The following SHISA6 variants were observed in gnomAD, a reference collection of about 807,000 sequenced individuals.
SHISA6 encodes protein shisa-6.
In SHISA6, 22 loss-of-function variants were observed where a neutral mutation model predicts 47.9. That is an observed-to-expected ratio of 0.46 (90% confidence interval 0.33 to 0.66). The LOEUF (loss-of-function observed/expected upper bound fraction) is 0.66, where lower values mean the gene tolerates loss of function less well. Ranked by LOEUF, SHISA6 falls within the 30% of genes least tolerant of loss-of-function variation. The pLI is 0.02. For synonymous variants in SHISA6, 388 were observed against 337.8 expected, an observed-to-expected ratio of 1.15 and a Z score of -1.63; for missense variants, 680 against 764.6, an observed-to-expected ratio of 0.89 and a Z score of 1.30.
intron 1 of SHISA6, among the ~76,000 whole-genome samples, chr17:11,257,588 G>A (rs1597425154): frequency 1.3e-5 from 2 of 151,092 alleles, no homozygotes; most frequent in East Asian, 3.9e-4. Flanking sequence ...TTGAGCCCAG[G>A]AAGCCGAGGC....
intron 2 of SHISA6, among the ~76,000 whole-genome samples, chr17:11,370,675 G>C (rs952789059): frequency 1.3e-5 from 2 of 152,180 alleles, no homozygotes; most frequent in African/African-American, 4.8e-5. Flanking sequence ...TCTTAGGGCA[G>C]ATGACAGGAT....
At chr17:11,470,393 TTCCTAAC>T (rs1915907684) in intron 3 of SHISA6, among the ~76,000 whole-genome samples, 1 of 152,196 alleles carries the variant, frequency 6.6e-6, no homozygotes, top group African/African-American at 2.4e-5. Flanking sequence ...CTAGGGAGAA[TTCCTAAC>T]AGGTATCAGT....
intron 3 of SHISA6, among the ~76,000 whole-genome samples, chr17:11,467,754 C>G (rs189258868): frequency 6.6e-6 from 1 of 152,178 alleles, no homozygotes; most frequent in Non-Finnish European, 1.5e-5. Flanking sequence ...TATCCCTGTT[C>G]TGAGAGTTTA....
At chr17:11,247,921 C>T (rs1597419709) in intron 1 of SHISA6, among the ~76,000 whole-genome samples, 1 of 151,984 alleles carries the variant, frequency 6.6e-6, no homozygotes, top group Admixed American at 6.6e-5. Context: ...ACTACAGGCG[C>T]CCGCCACCAC....
At chr17:11,548,595 T>G (rs2071903321) in intron 3 of SHISA6, among the ~76,000 whole-genome samples, 1 of 152,144 alleles carries the variant, frequency 6.6e-6, no homozygotes, top group Non-Finnish European at 1.5e-5. Context: ...GTCACATTGC[T>G]AGGCAACTGA....
intron 1 of SHISA6, among the ~76,000 whole-genome samples, chr17:11,255,194 G>C (rs187422660): frequency 3.5e-4 from 54 of 152,320 alleles, no homozygotes; most frequent in Admixed American, 3.1e-3. Context: ...GAATACATGA[G>C]TTAAAGTCAG....
Position 11,310,978 on chromosome 17 carries a change from G to T in SHISA6, c.799+47452G>T, listed in dbSNP as rs148901564. Among the ~76,000 whole-genome samples, 900 of 152,026 alleles carry T rather than the reference G, an allele frequency of 5.9e-3. 8 individuals are homozygous for T. Among genetic ancestry groups the T allele is most frequent in the African/African-American group, 0.021 (854 of 41,472 alleles). ...AAAAAATTAGCCAGTGTGGTGGCAGGTGCCTGTAGTCCCAGCTACTCAGGA... is the reference window on the plus strand; with the variant it reads ...AAAAAATTAGCCAGTGTGGTGGCAGTTGCCTGTAGTCCCAGCTACTCAGGA... On this transcript the variant is annotated intron_variant, in intron 2 of 5. Transcript: ENST00000441885.
intron 3 of SHISA6, among the ~76,000 whole-genome samples, chr17:11,482,409 C>T (rs1428016994): frequency 3.9e-5 from 6 of 152,158 alleles, no homozygotes. Context: ...AGGTTCTGAT[C>T]TAAGAATACA....
intron 3 of SHISA6, among the ~76,000 whole-genome samples, chr17:11,446,469 A>C (rs1158831868): frequency 6.6e-6 from 1 of 152,178 alleles, no homozygotes; most frequent in Non-Finnish European, 1.5e-5. Context: ...TGTTTGTGCT[A>C]ATTACTGTGG....
At chr17:11,352,716 G>A (rs1429790335) in intron 2 of SHISA6, among the ~76,000 whole-genome samples, 4 of 152,116 alleles carry the variant, frequency 2.6e-5, no homozygotes, top group African/African-American at 4.8e-5. Context: ...GGGTTGGTGC[G>A]CCTTGTGCAT....
At chr17:11,303,976 C>G (rs1910017472) in intron 2 of SHISA6, among the ~76,000 whole-genome samples, 3 of 152,194 alleles carry the variant, frequency 2.0e-5, no homozygotes, top group African/African-American at 7.2e-5. Context: ...AGGGCCTGAC[C>G]GGCTCCATAT....
chr17:11,313,623 G>C (rs77814748), intron 2 of SHISA6, among the ~76,000 whole-genome samples: 3 of 151,974 alleles, frequency 2.0e-5, no homozygotes, highest in Admixed American at 6.6e-5. Context: ...CTTTTGGGAA[G>C]CCCTCCCTGG....
chr17:11,458,797 C>T (rs1169634137), intron 3 of SHISA6, among the ~76,000 whole-genome samples: 1 of 152,170 alleles, frequency 6.6e-6, no homozygotes, highest in East Asian at 1.9e-4. Context: ...CCTGTGTGGC[C>T]TTTGAAAGGT....
At chr17:11,310,979 T>C (rs1364513503) in intron 2 of SHISA6, among the ~76,000 whole-genome samples, 1 of 151,468 alleles carries the variant, frequency 6.6e-6, no homozygotes. Flanking sequence ...TGGTGGCAGG[T>C]GCCTGTAGTC....
intron 2 of SHISA6, among the ~76,000 whole-genome samples, chr17:11,311,534 A>G (rs983499418): frequency 7.9e-5 from 12 of 152,228 alleles, no homozygotes; most frequent in African/African-American, 2.9e-4. Context: ...CCTTAGCAGC[A>G]TAAGTATAAG....
At position 11,562,851 on chromosome 17, in the gene SHISA6, G is replaced by C. The variant is rs2072058029; in HGVS notation, c.*4547G>C. On this transcript the variant is annotated 3_prime_UTR_variant, in exon 6 of 6. Transcript: ENST00000441885. ...CACAGCGATGTCCTCAGATGTCCTG[G>C]ACAGCCACCGCACTCCTCACTAGAG... 1 of 152,438 alleles carries C rather than the reference G, an allele frequency of 6.6e-6. No homozygotes were observed. The highest frequency in any genetic ancestry group is 1.5e-5 in the Non-Finnish European group (1 of 68,248). The allele number at this position is 152,438 out of a possible 1,614,324, so 9.4% of individuals were successfully genotyped here. A position where few individuals can be genotyped will look rare whatever the true frequency, so the allele number is the denominator to read the frequency against.
In SHISA6 at chr17:11,546,882, C is replaced by T. The variant is rs373915462; in HGVS notation, c.896-5014C>T. Among the ~76,000 whole-genome samples, 11 of 151,576 alleles carry T rather than the reference C, an allele frequency of 7.3e-5. No individual in the cohort carries two copies. The South Asian group carries it at 1.2e-3, about 17-fold the overall frequency. The stretch of plus-strand genomic sequence containing the variant: ...GTTGCAGTGAGCCAAGATTGCGCCA[C>T]GGCGCCACTGTACTCCAGCCTGGGC... On this transcript the variant is annotated intron_variant, in intron 3 of 5. Coordinates refer to ENST00000441885, the MANE Select transcript of SHISA6 (RefSeq NM_207386.4).
At chr17:11,338,655 C>T (rs927819444) in intron 2 of SHISA6, among the ~76,000 whole-genome samples, 1 of 151,962 alleles carries the variant, frequency 6.6e-6, no homozygotes, top group Non-Finnish European at 1.5e-5. Context: ...ATGATCTGCC[C>T]GCCTTGGTCC....
chr17:11,261,997 G>C (rs1048838379), intron 1 of SHISA6, among the ~76,000 whole-genome samples: 1 of 152,128 alleles, frequency 6.6e-6, no homozygotes, highest in African/African-American at 2.4e-5. Context: ...GTGGCTTTTT[G>C]GTTATAGCTA....
Sources: allele counts gnomAD v4.1 joint callset (sites outside exome capture counted in the v4.1 genomes callset), GRCh38; gene constraint gnomAD v4.1.1; transcripts MANE v1.5; gene names NCBI Gene and HGNC (gene_info 2026-07-23, HGNC 2026-07-21).